The following TASOR2 variants were observed in gnomAD, a reference collection of about 807,000 sequenced individuals.
The protein encoded by TASOR2 is protein TASOR 2.
In TASOR2, 84 loss-of-function variants were observed where a neutral mutation model predicts 199.5. The observed-to-expected ratio is 0.42, with a 90% confidence interval of 0.35 to 0.50. The LOEUF is 0.50. TASOR2 is among the 20% of genes least tolerant of loss of function. The pLI, the probability that TASOR2 is intolerant of heterozygous loss-of-function variation, is 0.02. For synonymous variants in TASOR2, 1,103 were observed against 1,046.6 expected, an observed-to-expected ratio of 1.05 and a Z score of -1.04; for missense variants, 2,796 against 2,835.9, an observed-to-expected ratio of 0.99 and a Z score of 0.32.
intron 13 of TASOR2, among the ~76,000 whole-genome samples, chr10:5,741,184 C>G (rs1836368560): frequency 6.6e-6 from 1 of 152,206 alleles, no homozygotes; most frequent in Non-Finnish European, 1.5e-5. Context: ...GCATTTCTAA[C>G]AAATTTTCAG....
intron 18 of TASOR2, 35 bp downstream of exon 19, chr10:5,759,027 C>T: frequency 4.7e-6 from 7 of 1,487,096 alleles, no homozygotes; most frequent in Non-Finnish European, 6.5e-6. Context: ...TCCTCCTGCC[C>T]TGCTGGGGTA....
chr10:5,749,265 G>A (rs763200346), exon 15 of TASOR2: 10 of 1,614,084 alleles, frequency 6.2e-6, no homozygotes, highest in Non-Finnish European at 8.5e-6. Context: ...GGAGGCACCC[G>A]AGTTTCAGTG....
rs1442549608 is a variant in TASOR2, at chr10:5,724,167, G to T, written c.248-263G>T. 3.9e-5 allele frequency among the ~76,000 whole-genome samples: 5 copies of T among 128,202 alleles called. No homozygotes were observed. The East Asian group carries it at 9.1e-4, about 23-fold the overall frequency. The allele number at this position is 128,202 out of a possible 152,430, so 84.1% of individuals were successfully genotyped here. ...TCTTGGTCATTTAGGTTAATTCATGGAGCACTGATGTTTATTCATGTAGTA... is the reference window on the plus strand; with the variant it reads ...TCTTGGTCATTTAGGTTAATTCATGTAGCACTGATGTTTATTCATGTAGTA... On this transcript the variant is annotated intron_variant, in intron 7 of 20. Transcript: ENST00000328090.
intron 15 of TASOR2, among the ~76,000 whole-genome samples, chr10:5,756,198 C>T (rs1259728288): frequency 6.6e-6 from 1 of 152,208 alleles, no homozygotes; most frequent in African/African-American, 2.4e-5. Context: ...ACCCAAGGGA[C>T]TGCTGACTCC....
chr10:5,756,174 AT>A (rs1162978524), intron 15 of TASOR2, among the ~76,000 whole-genome samples: 6 of 152,196 alleles, frequency 3.9e-5, no homozygotes, highest in Admixed American at 1.3e-4. Flanking sequence ...CACCTGTCTT[AT>A]TCTGAGACGT....
At chr10:5,714,189 C>G in intron 2 of TASOR2, 1 of 1,231,720 alleles carries the variant, frequency 8.1e-7, no homozygotes, top group Non-Finnish European at 1.0e-6. Context: ...TGTTACCACT[C>G]TGGGTGATCC....
At chr10:5,691,364 A>G (rs975826296) in intron 1 of TASOR2, among the ~76,000 whole-genome samples, 10 of 152,200 alleles carry the variant, frequency 6.6e-5, no homozygotes, top group African/African-American at 1.9e-4. Context: ...TGTTAAAACA[A>G]TCTTCAAAAA....
At chr10:5,717,522 C>G in intron 2 of TASOR2, 137 bp from the exon 4 acceptor site, 1 of 385,694 alleles carries the variant, frequency 2.6e-6, no homozygotes, top group Non-Finnish European at 4.5e-6. Context: ...TCGTTTTTCA[C>G]TGCTGCTGCC....
chr10:5,712,244 G>T (rs931828770), intron 1 of TASOR2: 6 of 462,182 alleles, frequency 1.3e-5, no homozygotes, highest in Non-Finnish European at 2.1e-5. Flanking sequence ...TTACATCAGA[G>T]GTCTTTTAAA....
rs1554764653 is a variant in TASOR2 at position 5,724,648 on chromosome 10, G to GATAGATAGAT, written c.351+122_351+123insGATATAGATA. On this transcript the variant is annotated intron_variant, in intron 8 of 20. Transcript: ENST00000328090. ...ATATATATATATAGATAGATAGATA[G>GATAGATAGAT]ATAGATATAGATATAGATATATAGA... 201 of 187,464 alleles carry GATAGATAGAT rather than the reference G, an allele frequency of 1.1e-3. 3 individuals carry two copies. The Middle Eastern group carries it at 0.016, about 15-fold the overall frequency. The allele number at this position is 187,464 out of a possible 1,614,324, so 11.6% of individuals were successfully genotyped here. A position where few individuals can be genotyped will look rare whatever the true frequency, so the allele number is the denominator to read the frequency against.
intron 8 of TASOR2, 105 bp from the exon 10 acceptor site, chr10:5,726,780 A>T: frequency 1.0e-6 from 1 of 970,128 alleles, no homozygotes; most frequent in Non-Finnish European, 1.6e-6. Context: ...CATTTGCAGA[A>T]TTTTTTCTTT....
chr10:5,696,416 G>A (rs1330515200), intron 1 of TASOR2, among the ~76,000 whole-genome samples: 1 of 152,202 alleles, frequency 6.6e-6, no homozygotes, highest in Non-Finnish European at 1.5e-5. Flanking sequence ...AAGTGCAGTA[G>A]CGCCATCATA....
Position 5,720,851 on chromosome 10 carries a change from T to G in TASOR2, c.47-20T>G. 1 of 1,597,194 alleles carries G rather than the reference T, an allele frequency of 6.3e-7. No individual in the cohort carries two copies. Among genetic ancestry groups the G allele is most frequent in the Non-Finnish European group, 8.5e-7 (1 of 1,175,168 alleles). ...TTTCATCATAAATAATCAGTTTCTT[T>G]TTTACCTTCATTTCTTCAGTTCTCA... On this transcript the variant is annotated intron_variant, in intron 5 of 20. Transcript: ENST00000328090. The surrounding 1 kb of genome is among the most constrained non-coding windows in gnomAD (Gnocchi z 5.3).
At position 5,719,235 on chromosome 10, in the gene TASOR2, A is replaced by G. The variant is rs888631960; in HGVS notation, c.-99-1309A>G. Among the ~76,000 whole-genome samples, 2 of 152,256 alleles carry G rather than the reference A, an allele frequency of 1.3e-5. No homozygotes were observed. The highest frequency in any genetic ancestry group is 2.9e-5 in the Non-Finnish European group (2 of 68,044). On this transcript the variant is annotated intron_variant, in intron 3 of 20. Coordinates refer to ENST00000328090, the Ensembl canonical transcript of TASOR2. This position sits in a 1 kb window ranked among gnomAD's most constrained non-coding sequence, Gnocchi z 4.1. ...CCATATCCCATTTTGATATAAGTTA[A>G]TAACATCTTGTGAACATTGTCTTAT...
chr10:5,744,826 G>A (rs59905451), intron 14 of TASOR2, among the ~76,000 whole-genome samples: 3 of 151,940 alleles, frequency 2.0e-5, no homozygotes, highest in Admixed American at 6.5e-5. Flanking sequence ...ACTAGGTTTC[G>A]CCATGTTGGC....
At chr10:5,715,000 T>C (rs765776665) in intron 2 of TASOR2, among the ~76,000 whole-genome samples, 1 of 152,092 alleles carries the variant, frequency 6.6e-6, no homozygotes, top group African/African-American at 2.4e-5. Flanking sequence ...AACAGAACTT[T>C]TGGGTCATTA....
chr10:5,758,224 T>C (rs780316128), intron 17 of TASOR2, among the ~76,000 whole-genome samples: 1 of 152,190 alleles, frequency 6.6e-6, no homozygotes, highest in Non-Finnish European at 1.5e-5. Flanking sequence ...AGCATGTACC[T>C]TAACCAGTGT....
chr10:5,745,981 G>C (rs533154560), intron 14 of TASOR2, among the ~76,000 whole-genome samples, 198 bp from the exon 16 acceptor site: 12 of 152,064 alleles, frequency 7.9e-5, no homozygotes, highest in African/African-American at 2.7e-4. Flanking sequence ...ATCCCACTGG[G>C]GGGTATTTTA....
rs905709318 is a variant in TASOR2 at position 5,714,248 on chromosome 10, C to A, written c.-192+1330C>A. Reference sequence around the variant, plus strand: ...AAAAAGAATCTTAAAAAAAAATCTTCTTTTACAAGATGAAGTGAGGTTTCA... The same window carrying A: ...AAAAAGAATCTTAAAAAAAAATCTTATTTTACAAGATGAAGTGAGGTTTCA... On this transcript the variant is annotated intron_variant, in intron 2 of 20. Coordinates refer to ENST00000328090, the Ensembl canonical transcript of TASOR2. 3.4e-6 allele frequency: 4 copies of A among 1,180,678 alleles called. No individual in the cohort carries two copies. In the African/African-American group the frequency reaches 4.7e-5, roughly 14 times the overall value. 73.1% of individuals were successfully genotyped at this position (1,180,678 alleles called of 1,614,324 possible).
Sources: gnomAD v4.1 joint callset for allele counts (sites outside exome capture counted in the v4.1 genomes callset) on GRCh38, gnomAD v4.1.1 for gene constraint, Gnocchi (gnomAD v3.1) non-coding constraint, MANE v1.5 for transcripts, NCBI Gene and HGNC (gene_info 2026-07-23, HGNC 2026-07-21) for gene names.